KIF25: variants seen among roughly 807,000 people sequenced by gnomAD.
KIF25 encodes the protein kinesin family member 25.
A neutral mutation model predicts 32.9 loss-of-function variants in KIF25; 19 were observed. That is an observed-to-expected ratio of 0.58 (90% CI 0.40 to 0.85). The LOEUF is 0.85. KIF25 is among the 40% of genes least tolerant of loss of function. The pLI, the probability that KIF25 is intolerant of heterozygous loss-of-function variation, is 0.00. For missense variants in KIF25, 485 were observed against 507.0 expected (o/e 0.96, Z 0.42); for synonymous variants, 225 against 213.7 (o/e 1.05, Z -0.46).
Position 168,042,026 on chromosome 6 carries a change from G to A in KIF25, c.704G>A (p.Gly235Glu). 1.3e-6 allele frequency: 2 copies of A among 1,551,610 alleles called. No homozygotes were observed. The highest frequency in any genetic ancestry group is 2.0e-5 in the Admixed American group (1 of 51,036). ...PREQTEAGRA[G>E]RSRRASQGAL... ...GAGCAAACAGAGGCAGGAAGGGCAG[G>A]AAGGAGCCGCAGAGCTTCTCAAGGG... is the stretch of plus-strand genomic sequence containing the variant. The change falls in exon 11 of 13, where the codon GGA (glycine) becomes GAA (glutamate). Residue 235 changes from glycine (G) to glutamate (E), a missense_variant. By Grantham distance (98) the Gly-to-Glu change is moderately conservative (BLOSUM62 -2). This residue lies in a region of KIF25 where 480 missense variants were observed against 470.3 expected (regional missense o/e 1.02). Coordinates refer to ENST00000643607, the MANE Select transcript of KIF25 (RefSeq NM_030615.4).
At chr6:168,035,438 C>CGCTGCG (rs1799003953) in intron 8 of KIF25, among the ~76,000 whole-genome samples, 1 of 7,192 alleles carries the variant, frequency 1.4e-4, no homozygotes. Context: ...AACGGCGCGG[C>CGCTGCG]GGAGGAGGCG....
At chr6:168,020,532 GA>G (rs1287492068) in intron 5 of KIF25, among the ~76,000 whole-genome samples, 1 of 152,022 alleles carries the variant, frequency 6.6e-6, no homozygotes, top group African/African-American at 2.4e-5. Context: ...ATGGATTGTG[GA>G]GCTCATGACA....
chr6:168,028,681 T>C (rs940512469), intron 5 of KIF25, among the ~76,000 whole-genome samples: 1 of 152,258 alleles, frequency 6.6e-6, no homozygotes, highest in Non-Finnish European at 1.5e-5. Context: ...AAACCAACTT[T>C]GGAAAAACTG....
chr6:168,019,906 G>A (rs1258463837), intron 5 of KIF25, among the ~76,000 whole-genome samples: 2 of 152,080 alleles, frequency 1.3e-5, no homozygotes, highest in African/African-American at 2.4e-5. Flanking sequence ...AGGCCAAGGC[G>A]GGTGGCTCAC....
intron 5 of KIF25, among the ~76,000 whole-genome samples, chr6:168,020,789 G>A (rs1368863115): frequency 1.3e-5 from 2 of 151,884 alleles, no homozygotes; most frequent in African/African-American, 4.8e-5. Flanking sequence ...ATAAATGTCA[G>A]GAAAAAGGGA....
At chr6:168,010,956 G>A (rs775933679) in intron 4 of KIF25, among the ~76,000 whole-genome samples, 8 of 150,606 alleles carry the variant, frequency 5.3e-5, no homozygotes, top group Non-Finnish European at 1.0e-4. Flanking sequence ...TCTTTGCTTG[G>A]AATATTTTTT....
intron 5 of KIF25, among the ~76,000 whole-genome samples, chr6:168,020,222 G>A (rs2114884795): frequency 6.6e-6 from 1 of 152,284 alleles, no homozygotes; most frequent in African/African-American, 2.4e-5. Context: ...GGTCAGACAT[G>A]AAAATGACCT....
chr6:168,023,308 C>T (rs1798813584), intron 5 of KIF25, among the ~76,000 whole-genome samples: 1 of 143,862 alleles, frequency 7.0e-6, no homozygotes, highest in African/African-American at 2.6e-5. Flanking sequence ...TGTTCTGTTG[C>T]CGAGGCTGGA....
chr6:168,026,720 A>G (rs1798865382), intron 5 of KIF25, among the ~76,000 whole-genome samples: 1 of 152,198 alleles, frequency 6.6e-6, no homozygotes, highest in African/African-American at 2.4e-5. Context: ...AAATAAAAAT[A>G]TTATTTAAAA....
At chr6:168,035,163 T>C (rs1175113984) in intron 8 of KIF25, among the ~76,000 whole-genome samples, 1 of 151,502 alleles carries the variant, frequency 6.6e-6, no homozygotes, top group African/African-American at 2.4e-5. Context: ...CCCCGCCGCG[T>C]CTCTTCTCGT....
chr6:168,039,116 TAAA>T (rs10717466), intron 9 of KIF25, among the ~76,000 whole-genome samples: 2 of 151,624 alleles, frequency 1.3e-5, no homozygotes, highest in African/African-American at 4.9e-5. Context: ...GAGATAAAAG[TAAA>T]AAAAACCACA....
At chr6:168,026,754 C>T (rs1798865799) in intron 5 of KIF25, among the ~76,000 whole-genome samples, 1 of 152,092 alleles carries the variant, frequency 6.6e-6, no homozygotes, top group African/African-American at 2.4e-5. Flanking sequence ...AGTAATGCCA[C>T]TGATCCAAAA....
chr6:168,037,266 G>C (rs374904409), intron 8 of KIF25, among the ~76,000 whole-genome samples: 1 of 151,988 alleles, frequency 6.6e-6, no homozygotes, highest in Non-Finnish European at 1.5e-5. Context: ...TCATTTTCTT[G>C]ACTGTTTGTC....
chr6:167,998,491 G>A lies in KIF25; in HGVS notation c.-978G>A, dbSNP rs1424803152. 6.6e-6 allele frequency: 1 copy of A among 152,174 alleles called. No individual in the cohort carries two copies. Among genetic ancestry groups the A allele is most frequent in the Non-Finnish European group, 1.5e-5 (1 of 68,030 alleles). The allele number at this position is 152,174 out of a possible 1,614,324, so 9.4% of individuals were successfully genotyped here. A position where few individuals can be genotyped will look rare whatever the true frequency, so the allele number is the denominator to read the frequency against. On this transcript the variant is annotated 5_prime_UTR_variant, in exon 1 of 13. The change abolishes an upstream ATG in the 5' untranslated region. Transcript: ENST00000643607. ...TGGATCCAAGACAAGATTTCAGAAT[G>A]GATTTGGCAAGTTCTGAGCACATAC...
intron 8 of KIF25, 119 bp downstream of exon 8, chr6:168,034,150 A>G (rs1160765096): frequency 1.0e-6 from 1 of 967,664 alleles, no homozygotes; most frequent in Non-Finnish European, 1.6e-6. Context: ...AAACCCCATA[A>G]TCTCATCAGA....
intron 4 of KIF25, among the ~76,000 whole-genome samples, chr6:168,007,920 C>T (rs183751542): frequency 1.5e-4 from 23 of 152,282 alleles, no homozygotes; most frequent in African/African-American, 5.5e-4. Flanking sequence ...TCACATTTCC[C>T]TGTTGTGGTC....
intron 2 of KIF25, among the ~76,000 whole-genome samples, chr6:168,001,746 G>A (rs1798507825): frequency 1.1e-5 from 1 of 88,058 alleles, no homozygotes; most frequent in Admixed American, 9.6e-5. Context: ...GACACCTTCA[G>A]GCGTAGCCTC....
chr6:168,023,690 C>T (rs1413778552), intron 5 of KIF25, among the ~76,000 whole-genome samples: 3 of 152,240 alleles, frequency 2.0e-5, no homozygotes, highest in East Asian at 1.9e-4. Flanking sequence ...CGTGAGCCAC[C>T]GTGCCCAGCC....
Position 168,042,004 on chromosome 6 carries a change from C to G in KIF25, c.682C>G (p.Gln228Glu). ...QACSATLPRE[Q>E]TEAGRAGRSR... Reference sequence around the variant, plus strand: ...CTGCAGTGCCACCCTCCCCAGGGAGCAAACAGAGGCAGGAAGGGCAGGAAG... The same window carrying G: ...CTGCAGTGCCACCCTCCCCAGGGAGGAAACAGAGGCAGGAAGGGCAGGAAG... The change falls in exon 11 of 13, where the codon CAA becomes GAA. Residue 228 changes from glutamine to glutamate, a missense_variant. Physicochemically the swap from Gln to Glu is conservative, Grantham distance 29 (BLOSUM62 2). Transcript: ENST00000643607. The G allele has an allele frequency of 1.9e-6, 3 of 1,552,106 alleles. No individual in the cohort carries two copies. Among genetic ancestry groups the G allele is most frequent in the Non-Finnish European group, 2.6e-6 (3 of 1,147,328 alleles).
Sources: gnomAD v4.1 joint callset for allele counts (sites outside exome capture counted in the v4.1 genomes callset) on GRCh38, gnomAD v4.1.1 for gene constraint, gnomAD v4.1.1 regional missense constraint, MANE v1.5 for transcripts, NCBI Gene and HGNC (gene_info 2026-07-23, HGNC 2026-07-21) for gene names.